ICOS: variants seen among roughly 807,000 people sequenced by gnomAD.
ICOS encodes the protein inducible T-cell costimulator.
Under a neutral mutation model 24.6 loss-of-function variants are expected in ICOS, and 15 were observed. The ratio of observed to expected loss-of-function variants is 0.61; its 90% confidence interval spans 0.41 to 0.94. ICOS has a LOEUF of 0.94. Ranked by LOEUF, ICOS falls within the 40% of genes least tolerant of loss-of-function variation. ICOS has a pLI of 0.00. For synonymous variants in ICOS, 89 were observed against 77.5 expected, an observed-to-expected ratio of 1.15 and a Z score of -0.78; for missense variants, 200 against 233.0, an observed-to-expected ratio of 0.86 and a Z score of 0.92.
intron 1 of ICOS, among the ~76,000 whole-genome samples, chr2:203,937,910 C>G (rs1191634698): frequency 6.6e-6 from 1 of 152,170 alleles, no homozygotes; most frequent in African/African-American, 2.4e-5. Context: ...TGGTTTATGC[C>G]TTTTCTAGAA....
At chr2:203,940,592 T>C (rs1486671129) in intron 1 of ICOS, among the ~76,000 whole-genome samples, 1 of 152,038 alleles carries the variant, frequency 6.6e-6, no homozygotes, top group Non-Finnish European at 1.5e-5. Context: ...GTTGCAGATA[T>C]TCCTCCACTG....
rs79643521 is a variant in ICOS, at chr2:203,958,898, C to G, written c.587-688C>G. 1.6e-3 allele frequency among the ~76,000 whole-genome samples: 249 copies of G among 152,184 alleles called. 1 individual carries two copies. The highest frequency in any genetic ancestry group is 5.8e-3 in the African/African-American group (240 of 41,506). On this transcript the variant is annotated intron_variant, in intron 4 of 4. Transcript: ENST00000316386. ...CTGTTTGGATCCCCACAAGCAGAAC[C>G]TGACATAAGGACTTGGGTGCAAGTA...
At chr2:203,936,909 A>G in intron 1 of ICOS, 37 bp downstream of exon 1, 1 of 1,445,876 alleles carries the variant, frequency 6.9e-7, no homozygotes, top group Non-Finnish European at 9.7e-7. Flanking sequence ...TTAAGTTATA[A>G]TTCAAGTAAA....
intron 1 of ICOS, among the ~76,000 whole-genome samples, chr2:203,937,565 C>A (rs1363014665): frequency 2.0e-5 from 3 of 152,112 alleles, no homozygotes; most frequent in African/African-American, 7.2e-5. Flanking sequence ...GTTTCTGCTG[C>A]TTTTTACTGT....
At position 203,960,190 on chromosome 2, in the gene ICOS, A is replaced by G; in HGVS notation, c.*591A>G. ...GTTGACCATTTTACCAAGACTTTAG[A>G]TGCTTTCTTGTGCCCTCAATTTTCT... On this transcript the variant is annotated 3_prime_UTR_variant, in exon 5 of 5. Transcript: ENST00000316386. 1 of 161,452 alleles carries G rather than the reference A, an allele frequency of 6.2e-6. No homozygotes were observed. Among genetic ancestry groups the G allele is most frequent in the Admixed American group, 5.7e-5 (1 of 17,642 alleles). 10.0% of individuals were successfully genotyped at this position (161,452 alleles called of 1,614,324 possible).
chr2:203,940,232 T>G (rs6736298), intron 1 of ICOS, among the ~76,000 whole-genome samples: 24,675 of 152,122 alleles, frequency 0.16, 3,389 homozygotes, highest in African/African-American at 0.36. Context: ...ACTCTCACAC[T>G]TCCCCCAGAC....
At chr2:203,943,272 A>G (rs1370341205) in intron 1 of ICOS, among the ~76,000 whole-genome samples, 1 of 150,928 alleles carries the variant, frequency 6.6e-6, no homozygotes, top group Admixed American at 6.6e-5. Flanking sequence ...GTTCCTTCTC[A>G]TTTGGGTAGG....
At chr2:203,944,367 T>G (rs1036719906) in intron 1 of ICOS, among the ~76,000 whole-genome samples, 1 of 152,162 alleles carries the variant, frequency 6.6e-6, no homozygotes, top group African/African-American at 2.4e-5. Flanking sequence ...CTCTCTAACT[T>G]GACTCACCTC....
chr2:203,961,387 C>T lies in ICOS; in HGVS notation c.*1788C>T. 1 of 173,100 alleles carries T rather than the reference C, an allele frequency of 5.8e-6. No individual in the cohort carries two copies. The highest frequency in any genetic ancestry group is 1.2e-5 in the Non-Finnish European group (1 of 81,112). 10.7% of individuals were successfully genotyped at this position (173,100 alleles called of 1,614,324 possible). On this transcript the variant is annotated 3_prime_UTR_variant, in exon 5 of 5. Coordinates refer to ENST00000316386, the MANE Select transcript of ICOS (RefSeq NM_012092.4). ...ATGGGGAGGAGAACCTTCATGGTGG[C>T]CCACCTGGCCTGGTTGTCCAAGCTG... is the stretch of plus-strand genomic sequence containing the variant.
intron 1 of ICOS, among the ~76,000 whole-genome samples, chr2:203,939,922 C>A (rs1581598623): frequency 6.6e-6 from 1 of 152,084 alleles, no homozygotes; most frequent in Non-Finnish European, 1.5e-5. Context: ...TCAGCATAAG[C>A]CTCTACTTGA....
rs1227239262 is a variant in ICOS at position 203,955,929 on chromosome 2, C to T, written c.352C>T (p.Pro118Ser). The T allele has an allele frequency of 6.2e-7, 1 of 1,612,710 alleles. No individual in the cohort carries two copies. The highest frequency in any genetic ancestry group is 1.7e-5 in the Admixed American group (1 of 59,966). Residue 118 changes from proline (P) to serine (S), a missense_variant, in exon 2 of 5, where the codon CCT (proline) becomes TCT (serine). Coordinates refer to ENST00000316386, the MANE Select transcript of ICOS (RefSeq NM_012092.4). ...CAACCTATCAATTTTTGATCCTCCT[C>T]CTTTTAAAGTAACTCTTACAGGAGG... Reference protein sequence around the residue: ...FCNLSIFDPPPFKVTLTGGYL... With the variant: ...FCNLSIFDPPSFKVTLTGGYL...
At chr2:203,955,024 A>G (rs558040425) in intron 1 of ICOS, among the ~76,000 whole-genome samples, 1 of 152,122 alleles carries the variant, frequency 6.6e-6, no homozygotes, top group East Asian at 1.9e-4. Flanking sequence ...AGAAGTACAC[A>G]TGGTTCTTGT....
intron 1 of ICOS, among the ~76,000 whole-genome samples, chr2:203,939,963 TTTCTTTGTTGTATC>T (rs1254705798): frequency 6.6e-6 from 1 of 152,194 alleles, no homozygotes; most frequent in Non-Finnish European, 1.5e-5. Flanking sequence ...ACTACTTATT[TTTCTTTGTTGTATC>T]CTCTTTTTCT....
chr2:203,943,792 G>A (rs996935570), intron 1 of ICOS, among the ~76,000 whole-genome samples: 4 of 152,142 alleles, frequency 2.6e-5, no homozygotes. Flanking sequence ...TCTGAGCTCA[G>A]ACTCTCCTTG....
At chr2:203,937,205 G>C (rs1689668082) in intron 1 of ICOS, among the ~76,000 whole-genome samples, 1 of 152,180 alleles carries the variant, frequency 6.6e-6, no homozygotes, top group Non-Finnish European at 1.5e-5. Flanking sequence ...AAAATGACTT[G>C]TGTCAACAGA....
chr2:203,937,467 G>A (rs996648711), intron 1 of ICOS, among the ~76,000 whole-genome samples: 4 of 152,080 alleles, frequency 2.6e-5, no homozygotes, highest in Non-Finnish European at 5.9e-5. Flanking sequence ...TCATTCTGGA[G>A]TCCCTGATTC....
At chr2:203,952,161 T>TG (rs1273493428) in intron 1 of ICOS, among the ~76,000 whole-genome samples, 1 of 152,216 alleles carries the variant, frequency 6.6e-6, no homozygotes, top group African/African-American at 2.4e-5. Context: ...CCCTATTTCC[T>TG]TCTGATTCCA....
chr2:203,949,284 T>C (rs577755042), intron 1 of ICOS, among the ~76,000 whole-genome samples: 3 of 152,356 alleles, frequency 2.0e-5, no homozygotes, highest in Admixed American at 6.5e-5. Flanking sequence ...AACACTCAGT[T>C]GTTAGTGACC....
At chr2:203,958,013 G>T in intron 4 of ICOS, 130 bp downstream of exon 4, 1 of 633,948 alleles carries the variant, frequency 1.6e-6, no homozygotes, top group Non-Finnish European at 2.8e-6. Flanking sequence ...AATTTTCTGT[G>T]AAAATCTGGA....
Sources: allele counts gnomAD v4.1 joint callset (sites outside exome capture counted in the v4.1 genomes callset), GRCh38; gene constraint gnomAD v4.1.1; transcripts MANE v1.5; gene names NCBI Gene and HGNC (gene_info 2026-07-23, HGNC 2026-07-21).